SYT6: variants seen among roughly 807,000 people sequenced by gnomAD.
SYT6 encodes synaptotagmin-6.
SYT6 carries 24 observed loss-of-function variants against 38.4 expected under a neutral mutation model. The ratio of observed to expected loss-of-function variants is 0.62; its 90% CI spans 0.45 to 0.88. SYT6 has a LOEUF of 0.88. Among genes scored for constraint, SYT6 ranks in the 40% least tolerant of loss-of-function variants. The probability of loss-of-function intolerance (pLI) is 0.00; values close to 1 mark genes in which losing one functional copy is unlikely to be tolerated. For synonymous variants in SYT6, 265 were observed against 241.9 expected, an observed-to-expected ratio of 1.10 and a Z score of -0.89; for missense variants, 611 against 621.0, an observed-to-expected ratio of 0.98 and a Z score of 0.17.
chr1:114,103,360 A>G (rs943970341), intron 4 of SYT6, among the ~76,000 whole-genome samples: 39 of 152,404 alleles, frequency 2.6e-4, no homozygotes, highest in African/African-American at 8.4e-4. Flanking sequence ...TACATGAATT[A>G]ACTCATTTCT....
chr1:114,118,972 C>T (rs77147429), intron 3 of SYT6, among the ~76,000 whole-genome samples: 5 of 152,342 alleles, frequency 3.3e-5, no homozygotes, highest in African/African-American at 4.8e-5. Flanking sequence ...CACTGCCCTC[C>T]GTGCACACCA....
At chr1:114,119,970 C>T (rs2481088) in intron 3 of SYT6, among the ~76,000 whole-genome samples, 1 of 151,360 alleles carries the variant, frequency 6.6e-6, no homozygotes, top group Admixed American at 6.6e-5. Flanking sequence ...ACTCGGGCGG[C>T]TGAGGCAGGA....
intron 3 of SYT6, among the ~76,000 whole-genome samples, chr1:114,118,913 G>A (rs780632983): frequency 6.6e-6 from 1 of 152,294 alleles, no homozygotes; most frequent in East Asian, 1.9e-4. Flanking sequence ...GTCCAGCAGC[G>A]AGAAATCACA....
intron 3 of SYT6, among the ~76,000 whole-genome samples, chr1:114,114,934 T>A (rs1472443372): frequency 6.6e-6 from 1 of 152,216 alleles, no homozygotes; most frequent in Non-Finnish European, 1.5e-5. Context: ...CACCACTTAC[T>A]TCCCTTTGCC....
intron 3 of SYT6, among the ~76,000 whole-genome samples, chr1:114,106,767 C>T (rs982884517): frequency 2.0e-5 from 3 of 152,104 alleles, no homozygotes; most frequent in Non-Finnish European, 2.9e-5. Context: ...GCATCTCTCC[C>T]GAACACCCCT....
At chr1:114,093,306 T>C (rs769780743) in intron 7 of SYT6, among the ~76,000 whole-genome samples, 20 of 152,220 alleles carry the variant, frequency 1.3e-4, no homozygotes, top group Non-Finnish European at 2.1e-4. Context: ...ACTACCTTAA[T>C]GCTTTCAATT....
chr1:114,104,342 G>A (rs944853437), intron 3 of SYT6, among the ~76,000 whole-genome samples: 13 of 152,172 alleles, frequency 8.5e-5, no homozygotes, highest in African/African-American at 3.1e-4. Flanking sequence ...CTTAAATGTG[G>A]TCATCCTTTA....
chr1:114,111,881 C>T (rs141936765), intron 3 of SYT6, among the ~76,000 whole-genome samples: 5 of 152,028 alleles, frequency 3.3e-5, no homozygotes, highest in African/African-American at 7.2e-5. Context: ...CCTAGGGTGC[C>T]GAGAGGGGGC....
At chr1:114,148,469 G>A (rs534440792) in intron 1 of SYT6, among the ~76,000 whole-genome samples, 10 of 152,316 alleles carry the variant, frequency 6.6e-5, no homozygotes, top group African/African-American at 2.2e-4. Flanking sequence ...CCTCAGAAAC[G>A]GTCAGTGCTC....
chr1:114,107,644 G>C (rs1676406891), intron 3 of SYT6, among the ~76,000 whole-genome samples: 1 of 151,596 alleles, frequency 6.6e-6, no homozygotes, highest in South Asian at 2.1e-4. Flanking sequence ...AAATTAAACA[G>C]GTTAATTTTG....
At chr1:114,145,677 C>T (rs192029748) in intron 1 of SYT6, among the ~76,000 whole-genome samples, 41 of 152,250 alleles carry the variant, frequency 2.7e-4, no homozygotes, top group Non-Finnish European at 5.0e-4. Context: ...TTCTCTGTTA[C>T]AGCTGTTCTG....
rs148888191 is a variant in SYT6, at chr1:114,140,258, C to A, written c.164-295G>T. 6.9e-3 allele frequency among the ~76,000 whole-genome samples: 1,049 copies of A among 151,450 alleles called. 14 individuals are homozygous for A. The highest frequency in any genetic ancestry group is 0.024 in the African/African-American group (991 of 41,224). ...CCAGCTTGGGGAGCACCTGGGCTGT[C>A]CTCTCTACTGGCTATTGGCACGTGC... is the stretch of plus-strand genomic sequence containing the variant. On this transcript the variant is annotated intron_variant, in intron 1 of 7. Transcript: ENST00000610222.
At position 114,098,010 on chromosome 1, in the gene SYT6, G is replaced by A. The variant is rs577678330; in HGVS notation, c.1365-133C>T. On this transcript the variant is annotated intron_variant, in intron 5 of 7. Transcript: ENST00000610222. ...TCTGAGCTCTGAAAACAGATGCTTGGCAGGGCTTCTGGGTGTCAGTGGCGG... is the reference window on the plus strand; with the variant it reads ...TCTGAGCTCTGAAAACAGATGCTTGACAGGGCTTCTGGGTGTCAGTGGCGG... The A allele has an allele frequency of 2.9e-6, 3 of 1,043,174 alleles. No homozygotes were observed. In the African/African-American group the frequency reaches 4.8e-5, roughly 17 times the overall value. The allele number at this position is 1,043,174 out of a possible 1,614,324, so 64.6% of individuals were successfully genotyped here. A position where few individuals can be genotyped will look rare whatever the true frequency, so the allele number is the denominator to read the frequency against.
rs1231785831 is a variant in SYT6 at position 114,091,045 on chromosome 1, T to G, written c.*1089A>C. 4 of 152,924 alleles carry G rather than the reference T, an allele frequency of 2.6e-5. No individual in the cohort carries two copies. Among genetic ancestry groups the G allele is most frequent in the Non-Finnish European group, 5.9e-5 (4 of 68,042 alleles). The allele number at this position is 152,924 out of a possible 1,614,324, so 9.5% of individuals were successfully genotyped here. ...CAAAAACATACTCTTCATAGAAAGA[T>G]GGACTCAAACTGCTATTTGGATTTC... On this transcript the variant is annotated 3_prime_UTR_variant, in exon 8 of 8. Transcript: ENST00000610222.
intron 6 of SYT6, among the ~76,000 whole-genome samples, chr1:114,096,312 T>A (rs1675639616): frequency 6.6e-6 from 1 of 152,104 alleles, no homozygotes; most frequent in African/African-American, 2.4e-5. Flanking sequence ...GATGAGGGAC[T>A]GGCCTCACTC....
chr1:114,148,652 A>G (rs186386683), intron 1 of SYT6, among the ~76,000 whole-genome samples: 46 of 152,284 alleles, frequency 3.0e-4, no homozygotes, highest in African/African-American at 1.1e-3. Context: ...AACCACTCAT[A>G]AAATACTAAT....
At chr1:114,121,220 G>C (rs2101040257) in intron 3 of SYT6, among the ~76,000 whole-genome samples, 1 of 152,346 alleles carries the variant, frequency 6.6e-6, no homozygotes, top group South Asian at 2.1e-4. Flanking sequence ...GAGATGGGCA[G>C]TGGCCTTGGT....
At chr1:114,149,673 G>A (rs148487934) in intron 1 of SYT6, among the ~76,000 whole-genome samples, 206 of 152,090 alleles carry the variant, frequency 1.4e-3, no homozygotes, top group African/African-American at 4.6e-3. Context: ...GTACCTTTCT[G>A]CTTGAGGGGT....
At chr1:114,149,222 T>TGTGTGTGTGTGTGTGTGTGTGTGTGTGC (rs769842650) in intron 1 of SYT6, among the ~76,000 whole-genome samples, 17 of 118,122 alleles carry the variant, frequency 1.4e-4, no homozygotes, top group African/African-American at 4.5e-4. Flanking sequence ...AGAGATTGTG[T>TGTGTGTGTGTGTGTGTGTGTGTGTGTGC]GTGTGTGTGT....
Sources: allele counts gnomAD v4.1 joint callset (sites outside exome capture counted in the v4.1 genomes callset), GRCh38; gene constraint gnomAD v4.1.1; transcripts MANE v1.5; gene names NCBI Gene and HGNC (gene_info 2026-07-23, HGNC 2026-07-21).